Variants in TENM3 observed in about 807,000 individuals in gnomAD.
TENM3 encodes the protein teneurin-3.
A neutral mutation model predicts 255.1 loss-of-function variants in TENM3; 63 were observed. The observed-to-expected ratio is 0.25, with a 90% CI of 0.20 to 0.30. The LOEUF (loss-of-function observed/expected upper bound fraction) is 0.30, where lower values mean the gene tolerates loss of function less well. Among genes scored for constraint, TENM3 ranks in the 10% least tolerant of loss-of-function variants. TENM3 has a pLI of 1.00. For missense variants in TENM3, 2,929 were observed against 3,461.1 expected, an observed-to-expected ratio of 0.85 and a Z score of 3.86; for synonymous variants, 1,306 against 1,322.3, an observed-to-expected ratio of 0.99 and a Z score of 0.27.
At chr4:182,514,472 G>A (rs1737733662) in intron 3 of TENM3, among the ~76,000 whole-genome samples, 1 of 152,180 alleles carries the variant, frequency 6.6e-6, no homozygotes, top group African/African-American at 2.4e-5. Flanking sequence ...GAAATATCTA[G>A]TGAGCAGTTA....
At chr4:182,343,941 A>G (rs1000970410) in intron 2 of TENM3, among the ~76,000 whole-genome samples, 8 of 152,204 alleles carry the variant, frequency 5.3e-5, no homozygotes, top group Non-Finnish European at 1.2e-4. Context: ...ATGTTTTTGA[A>G]TAAAGGCAAT....
intron 3 of TENM3, among the ~76,000 whole-genome samples, chr4:182,448,405 C>T: frequency 6.6e-6 from 1 of 152,128 alleles, no homozygotes; most frequent in Middle Eastern, 3.4e-3. Context: ...ACCGCCGGGC[C>T]CGCCTGGCAG....
At chr4:181,835,880 C>G in the TENM3 span, among the ~76,000 whole-genome samples, 1 of 152,108 alleles carries the variant, frequency 6.6e-6, no homozygotes, top group Admixed American at 6.6e-5. Context: ...ACAGTGGGAA[C>G]ATTTTTTTTT....
At chr4:182,534,673 G>T (rs1048653965) in intron 3 of TENM3, among the ~76,000 whole-genome samples, 1 of 152,140 alleles carries the variant, frequency 6.6e-6, no homozygotes, top group African/African-American at 2.4e-5. Flanking sequence ...TAAGCAAATT[G>T]CCTAAGGATT....
At chr4:181,585,826 T>C in the TENM3 span, among the ~76,000 whole-genome samples, 128 of 152,286 alleles carry the variant, frequency 8.4e-4, 5 homozygotes, top group East Asian at 0.021. Flanking sequence ...TCCATATACT[T>C]TTCTTCCTAT....
At chr4:181,900,865 C>T in the TENM3 span, among the ~76,000 whole-genome samples, 1 of 151,864 alleles carries the variant, frequency 6.6e-6, no homozygotes, top group Non-Finnish European at 1.5e-5. Flanking sequence ...TTTATTCTCT[C>T]TCAAGTGGCA....
At chr4:181,844,038 G>A in the TENM3 span, among the ~76,000 whole-genome samples, 5 of 152,004 alleles carry the variant, frequency 3.3e-5, no homozygotes, top group Admixed American at 2.0e-4. Flanking sequence ...TTACTGTGCT[G>A]CCTCATCCCC....
At chr4:181,568,811 T>C in the TENM3 span, among the ~76,000 whole-genome samples, 3 of 152,178 alleles carry the variant, frequency 2.0e-5, no homozygotes, top group African/African-American at 7.2e-5. Context: ...AAGAGCAGGC[T>C]CGTCACTCCT....
At chr4:182,164,101 G>A (rs1314646135) in intron 1 of TENM3, among the ~76,000 whole-genome samples, 1 of 152,180 alleles carries the variant, frequency 6.6e-6, no homozygotes, top group Non-Finnish European at 1.5e-5. Context: ...CAAATGACAG[G>A]ATGCCAGGAC....
the TENM3 span, among the ~76,000 whole-genome samples, chr4:181,549,099 T>C: frequency 1.3e-5 from 2 of 152,158 alleles, no homozygotes; most frequent in African/African-American, 2.4e-5. Flanking sequence ...TCAGCTTACT[T>C]GCTGTCCCTG....
chr4:181,797,958 G>A, the TENM3 span, among the ~76,000 whole-genome samples: 4 of 152,124 alleles, frequency 2.6e-5, no homozygotes, highest in African/African-American at 7.2e-5. Flanking sequence ...GGAATGAAGT[G>A]GGGGGAATGG....
intron 3 of TENM3, among the ~76,000 whole-genome samples, chr4:182,377,933 T>C (rs2309656): frequency 0.86 from 131,118 of 152,050 alleles, 57,823 homozygotes; most frequent in East Asian, 0.99. Context: ...GCAAATGTGG[T>C]AGAATGAAAA....
Position 182,738,395 on chromosome 4 carries a change from T to G in TENM3, c.3236-6T>G. On this transcript the variant is annotated splice_region_variant and splice_polypyrimidine_tract_variant and intron_variant, in intron 17 of 27. Transcript: ENST00000511685. The stretch of plus-strand genomic sequence containing the variant: ...AAAGATGAGCTGTGATTTGTTTGGA[T>G]TCCAGTGTCAGTTGGATATGAGTAT... 6.3e-7 allele frequency: 1 copy of G among 1,595,554 alleles called. No homozygotes were observed. Among genetic ancestry groups the G allele is most frequent in the South Asian group, 1.1e-5 (1 of 87,500 alleles).
Position 182,800,511 on chromosome 4 carries a change from C to A in TENM3, c.*160C>A. On this transcript the variant is annotated 3_prime_UTR_variant, in exon 28 of 28. Coordinates refer to ENST00000511685, the MANE Select transcript of TENM3 (RefSeq NM_001080477.4). ...CGCGAAAACAAGGACCGCTTTTTTC[C>A]GAATGACCTTAAAGGTGATCGGCTT... 1 of 838,952 alleles carries A rather than the reference C, an allele frequency of 1.2e-6. No individual in the cohort carries two copies. Among genetic ancestry groups the A allele is most frequent in the Non-Finnish European group, 1.8e-6 (1 of 563,754 alleles). 52.0% of individuals were successfully genotyped at this position (838,952 alleles called of 1,614,324 possible). A position where few individuals can be genotyped will look rare whatever the true frequency, so the allele number is the denominator to read the frequency against.
chr4:181,769,852 A>T, the TENM3 span, among the ~76,000 whole-genome samples: 1 of 152,334 alleles, frequency 6.6e-6, no homozygotes, highest in East Asian at 1.9e-4. Context: ...TGTGGAGATT[A>T]TCTTTATAAT....
At chr4:182,548,302 A>G (rs1741654848) in intron 3 of TENM3, among the ~76,000 whole-genome samples, 2 of 152,112 alleles carry the variant, frequency 1.3e-5, no homozygotes, top group Admixed American at 1.3e-4. Context: ...GAATTTTTGC[A>G]ATCCAAACCC....
At chr4:181,744,850 A>T in the TENM3 span, among the ~76,000 whole-genome samples, 2 of 152,252 alleles carry the variant, frequency 1.3e-5, no homozygotes, top group African/African-American at 4.8e-5. Flanking sequence ...GTTATAATTT[A>T]CTAAGGTAAA....
intron 3 of TENM3, among the ~76,000 whole-genome samples, chr4:182,583,870 C>T (rs1244126681): frequency 6.6e-6 from 1 of 152,114 alleles, no homozygotes; most frequent in Non-Finnish European, 1.5e-5. Flanking sequence ...CTAATGAAAG[C>T]TTTGTGAGCT....
At chr4:182,564,386 T>C (rs1743544204) in intron 3 of TENM3, among the ~76,000 whole-genome samples, 1 of 151,638 alleles carries the variant, frequency 6.6e-6, no homozygotes, top group Non-Finnish European at 1.5e-5. Flanking sequence ...ACTCCTGGGC[T>C]CAAACAGTCC....
Sources: allele counts gnomAD v4.1 joint callset (sites outside exome capture counted in the v4.1 genomes callset), GRCh38; gene constraint gnomAD v4.1.1; transcripts MANE v1.5; gene names NCBI Gene and HGNC (gene_info 2026-07-23, HGNC 2026-07-21).